Variants in HPSE2 observed in about 807,000 individuals in gnomAD.
HPSE2 encodes the protein inactive heparanase-2.
A neutral mutation model predicts 60.5 loss-of-function variants in HPSE2; 38 were observed. The observed-to-expected ratio is 0.63, with a 90% confidence interval of 0.48 to 0.82. The LOEUF (loss-of-function observed/expected upper bound fraction) is 0.82, where lower values mean the gene tolerates loss of function less well. Among genes scored for constraint, HPSE2 ranks in the 40% least tolerant of loss-of-function variants. The probability of loss-of-function intolerance (pLI) is 0.00; values close to 1 mark genes in which losing one functional copy is unlikely to be tolerated. For synonymous variants in HPSE2, 295 were observed against 293.2 expected, an observed-to-expected ratio of 1.01 and a Z score of -0.06; for missense variants, 713 against 740.4, an observed-to-expected ratio of 0.96 and a Z score of 0.43.
intron 4 of HPSE2, among the ~76,000 whole-genome samples, chr10:98,725,948 A>G (rs993682911): frequency 1.3e-5 from 2 of 152,216 alleles, no homozygotes; most frequent in East Asian, 3.8e-4. Flanking sequence ...ACCATCTCTC[A>G]CCAGTTAGAA....
chr10:99,230,823 A>C, intron 2 of HPSE2, among the ~76,000 whole-genome samples: 1 of 152,350 alleles, frequency 6.6e-6, no homozygotes, highest in South Asian at 2.1e-4. Context: ...GATTGGAAGA[A>C]GAAAAACCAT....
At chr10:99,014,290 C>A (rs1957085145) in intron 3 of HPSE2, among the ~76,000 whole-genome samples, 1 of 152,226 alleles carries the variant, frequency 6.6e-6, no homozygotes, top group Admixed American at 6.5e-5. Context: ...AGGACATGAT[C>A]TCATTCTTTT....
At chr10:99,232,678 A>T (rs1203256922) in intron 1 of HPSE2, among the ~76,000 whole-genome samples, 173 bp from the exon 2 acceptor site, 6 of 152,192 alleles carry the variant, frequency 3.9e-5, no homozygotes, top group African/African-American at 2.4e-5. Flanking sequence ...CCTGCGCCCC[A>T]GCCCGCCCTC....
At chr10:99,080,319 C>T (rs1843092703) in intron 3 of HPSE2, among the ~76,000 whole-genome samples, 1 of 151,966 alleles carries the variant, frequency 6.6e-6, no homozygotes, top group Non-Finnish European at 1.5e-5. Context: ...ATAATAGCAA[C>T]AAAAAGTGCT....
intron 3 of HPSE2, among the ~76,000 whole-genome samples, chr10:98,870,662 G>A (rs1354417026): frequency 1.3e-5 from 2 of 152,152 alleles, no homozygotes; most frequent in African/African-American, 4.8e-5. Flanking sequence ...GACAATTACA[G>A]TTAAGTGACC....
chr10:98,591,463 G>C (rs1258488166), intron 9 of HPSE2, among the ~76,000 whole-genome samples: 1 of 152,134 alleles, frequency 6.6e-6, no homozygotes, highest in Non-Finnish European at 1.5e-5. Flanking sequence ...AGGAGTTCGA[G>C]ACCAGCCTGG....
intron 3 of HPSE2, among the ~76,000 whole-genome samples, chr10:99,119,164 G>A (rs1256424801): frequency 1.3e-5 from 2 of 151,586 alleles, no homozygotes; most frequent in East Asian, 1.9e-4. Flanking sequence ...AACTATACCT[G>A]TTTACAGTTG....
chr10:98,906,742 A>G (rs183185861), intron 3 of HPSE2, among the ~76,000 whole-genome samples: 292 of 152,264 alleles, frequency 1.9e-3, no homozygotes, highest in Non-Finnish European at 3.3e-3. Context: ...CGTCTCTGCT[A>G]AAAGTGCAAA....
chr10:98,595,733 A>T (rs1373616332), intron 9 of HPSE2, among the ~76,000 whole-genome samples: 1 of 152,064 alleles, frequency 6.6e-6, no homozygotes. Flanking sequence ...GACTTCCAAT[A>T]CTATGTTGAG....
At chr10:99,294,261 T>C in the HPSE2 span, among the ~76,000 whole-genome samples, 1 of 150,888 alleles carries the variant, frequency 6.6e-6, no homozygotes, top group African/African-American at 2.4e-5. Flanking sequence ...AAGATACATA[T>C]TCTAATTTAT....
intron 3 of HPSE2, among the ~76,000 whole-genome samples, chr10:98,769,776 T>A (rs1289380431): frequency 6.6e-6 from 1 of 152,172 alleles, no homozygotes; most frequent in Admixed American, 6.5e-5. Context: ...TGAGACATGG[T>A]CCTTGCTTTC....
chr10:99,007,963 T>C (rs1400753893), intron 3 of HPSE2, among the ~76,000 whole-genome samples: 1 of 152,204 alleles, frequency 6.6e-6, no homozygotes, highest in Non-Finnish European at 1.5e-5. Flanking sequence ...GTATGCATAA[T>C]TCCAAGTCAC....
At chr10:98,962,411 T>G (rs563785870) in intron 3 of HPSE2, among the ~76,000 whole-genome samples, 3 of 151,894 alleles carry the variant, frequency 2.0e-5, no homozygotes, top group East Asian at 3.9e-4. Context: ...TGTCCTCTTT[T>G]ATTTCCTTGA....
intron 3 of HPSE2, among the ~76,000 whole-genome samples, chr10:98,967,677 T>C (rs1283676078): frequency 6.6e-6 from 1 of 152,034 alleles, no homozygotes; most frequent in African/African-American, 2.4e-5. Context: ...TAAGCTTAGT[T>C]TGGAAAAAAA....
rs377490739 is a variant in HPSE2 at position 98,857,187 on chromosome 10, TTCTG to T, written c.611-113135_611-113132del. Among the ~76,000 whole-genome samples, 35 of 152,290 alleles carry T rather than the reference TTCTG, an allele frequency of 2.3e-4. No individual in the cohort carries two copies. In the East Asian group the frequency reaches 6.8e-3, roughly 29 times the overall value. Reference sequence around the variant, plus strand: ...TAATTCATCATCTTACTCTTGGATCTTCTGTCTACCTTAAGAAGATGAGCCCTTC... The same window carrying T: ...TAATTCATCATCTTACTCTTGGATCTTCTACCTTAAGAAGATGAGCCCTTC... On this transcript the variant is annotated intron_variant, in intron 3 of 11. Transcript: ENST00000370552.
rs886943407 is a variant in HPSE2 at position 98,673,567 on chromosome 10, A to C, written c.1004+20333T>G. On this transcript the variant is annotated intron_variant, in intron 6 of 11. Transcript: ENST00000370552. ...AAGAGAGCAGGGGAGCATGTGACTCATCCACCCACAGCCACACACAAACTC... is the reference window on the plus strand; with the variant it reads ...AAGAGAGCAGGGGAGCATGTGACTCCTCCACCCACAGCCACACACAAACTC... Among the ~76,000 whole-genome samples, 3 of 152,150 alleles carry C rather than the reference A, an allele frequency of 2.0e-5. No homozygotes were observed. In the East Asian group the frequency reaches 5.8e-4, roughly 29 times the overall value.
rs569233798 is a variant in HPSE2, at chr10:98,866,260, C to A, written c.611-122204G>T. ...CACAAAGGTTTAACAGTAGATTAGA[C>A]AATGCAAGAGAAAACATTAGTGAAC... On this transcript the variant is annotated intron_variant, in intron 3 of 11. Transcript: ENST00000370552. 3.4e-3 allele frequency among the ~76,000 whole-genome samples: 511 copies of A among 151,956 alleles called. 3 individuals are homozygous for A. Among genetic ancestry groups the A allele is most frequent in the South Asian group, 0.014 (69 of 4,816 alleles).
the HPSE2 span, among the ~76,000 whole-genome samples, chr10:99,259,526 C>A: frequency 6.6e-6 from 1 of 151,928 alleles, no homozygotes; most frequent in Non-Finnish European, 1.5e-5. Context: ...AAAAATTGCA[C>A]GAAAAGATGC....
chr10:99,268,251 A>C, the HPSE2 span, among the ~76,000 whole-genome samples: 1 of 152,218 alleles, frequency 6.6e-6, no homozygotes. Context: ...AAATGATGAG[A>C]GAATTTGCCA....
Sources: gnomAD v4.1 joint callset for allele counts (sites outside exome capture counted in the v4.1 genomes callset) on GRCh38, gnomAD v4.1.1 for gene constraint, MANE v1.5 for transcripts, NCBI Gene and HGNC (gene_info 2026-07-23, HGNC 2026-07-21) for gene names.